Variants in RAB27B observed in about 807,000 individuals in gnomAD.
RAB27B encodes the protein ras-related protein Rab-27B.
A neutral mutation model predicts 24.6 loss-of-function variants in RAB27B; 15 were observed. The observed-to-expected ratio is 0.61, with a 90% CI of 0.41 to 0.94. The LOEUF is 0.94. Among genes scored for constraint, RAB27B ranks in the 40% least tolerant of loss-of-function variants. The pLI, the probability that RAB27B is intolerant of heterozygous loss-of-function variation, is 0.00. For synonymous variants in RAB27B, 105 were observed against 92.5 expected (o/e 1.14, Z -0.78); for missense variants, 261 against 266.8 (o/e 0.98, Z 0.15).
intron 2 of RAB27B, among the ~76,000 whole-genome samples, chr18:54,816,358 C>A (rs374342155): frequency 6.6e-6 from 1 of 152,082 alleles, no homozygotes. Flanking sequence ...AATTCAATTT[C>A]GAGATATTTC....
At chr18:54,805,233 A>T (rs551398728) in intron 2 of RAB27B, among the ~76,000 whole-genome samples, 1 of 152,132 alleles carries the variant, frequency 6.6e-6, no homozygotes, top group South Asian at 2.1e-4. Context: ...GAATCTTATC[A>T]AGTGCCAGGG....
chr18:54,811,484 C>T (rs545104852), intron 2 of RAB27B, among the ~76,000 whole-genome samples: 4 of 152,198 alleles, frequency 2.6e-5, no homozygotes, highest in East Asian at 1.9e-4. Flanking sequence ...TTTGAGTCTT[C>T]GATCAGTCTT....
At chr18:54,820,327 T>C (rs531865877) in intron 2 of RAB27B, among the ~76,000 whole-genome samples, 5 of 152,186 alleles carry the variant, frequency 3.3e-5, no homozygotes, top group Non-Finnish European at 5.9e-5. Context: ...TGGTGTGAGA[T>C]GGTATCTCAT....
chr18:54,779,959 G>C (rs73960627), intron 2 of RAB27B, among the ~76,000 whole-genome samples: 4,548 of 131,556 alleles, frequency 0.035, 131 homozygotes, highest in African/African-American at 0.065. Context: ...CTCTCCTGAC[G>C]GCTTCCTCCT....
At chr18:54,757,911 CA>C (rs545376388) in intron 2 of RAB27B, among the ~76,000 whole-genome samples, 5 of 151,980 alleles carry the variant, frequency 3.3e-5, no homozygotes, top group East Asian at 3.9e-4. Context: ...TTGACAAATA[CA>C]AAAAAATCAC....
At chr18:54,769,372 A>T (rs1354380243) in intron 2 of RAB27B, among the ~76,000 whole-genome samples, 1 of 152,078 alleles carries the variant, frequency 6.6e-6, no homozygotes, top group Non-Finnish European at 1.5e-5. Flanking sequence ...ACATAAGAAC[A>T]TCTTTTTTAA....
chr18:54,827,873 G>A (rs944248995), upstream of RAB27B, among the ~76,000 whole-genome samples: 7 of 152,108 alleles, frequency 4.6e-5, no homozygotes, highest in Admixed American at 3.9e-4. Context: ...TTTAGAACAC[G>A]GCATAGCACA....
At chr18:54,782,783 C>G (rs1250821871) in intron 2 of RAB27B, among the ~76,000 whole-genome samples, 1 of 152,142 alleles carries the variant, frequency 6.6e-6, no homozygotes, top group Non-Finnish European at 1.5e-5. Flanking sequence ...TAAACAATAG[C>G]TGAGGCTACC....
At chr18:54,806,085 C>A (rs1909783009) in intron 2 of RAB27B, among the ~76,000 whole-genome samples, 1 of 152,102 alleles carries the variant, frequency 6.6e-6, no homozygotes, top group Non-Finnish European at 1.5e-5. Context: ...TGCTTGCAAC[C>A]CATGGGATTT....
chr18:54,778,084 A>C (rs1908773244), intron 2 of RAB27B, among the ~76,000 whole-genome samples: 1 of 152,214 alleles, frequency 6.6e-6, no homozygotes, highest in Non-Finnish European at 1.5e-5. Context: ...TCTTTCAAAA[A>C]TCTTCAGCCT....
upstream of RAB27B, among the ~76,000 whole-genome samples, chr18:54,824,096 C>A (rs1014894878): frequency 3.3e-5 from 5 of 152,156 alleles, no homozygotes; most frequent in Admixed American, 6.5e-5. Context: ...GTCTTCTCTG[C>A]ACATATACAC....
chr18:54,770,895 T>C (rs12605161), intron 2 of RAB27B, among the ~76,000 whole-genome samples: 32,988 of 152,148 alleles, frequency 0.22, 3,862 homozygotes, highest in East Asian at 0.42. Flanking sequence ...AAAATCTTTT[T>C]GGGGTTCGAA....
intron 3 of RAB27B, among the ~76,000 whole-genome samples, chr18:54,882,698 A>G (rs1158098250): frequency 6.6e-6 from 1 of 152,220 alleles, no homozygotes; most frequent in Admixed American, 6.5e-5. Flanking sequence ...AGGGGAGCAG[A>G]GTGAACTTTC....
intron 2 of RAB27B, among the ~76,000 whole-genome samples, chr18:54,807,765 A>G (rs1333124160): frequency 6.6e-6 from 1 of 152,140 alleles, no homozygotes. Context: ...TGTGTAGGTA[A>G]ATTCTGAAAA....
intron 2 of RAB27B, among the ~76,000 whole-genome samples, chr18:54,737,305 G>GCTA (rs1246742690): frequency 6.6e-6 from 1 of 152,120 alleles, no homozygotes; most frequent in Non-Finnish European, 1.5e-5. Flanking sequence ...AGAGAAAGAG[G>GCTA]CTACTCCCTT....
At chr18:54,729,001 T>C (rs1229962115) in intron 2 of RAB27B, among the ~76,000 whole-genome samples, 1 of 137,900 alleles carries the variant, frequency 7.3e-6, no homozygotes, top group Non-Finnish European at 1.5e-5. Flanking sequence ...TATCTGAGTA[T>C]ACAACATGGG....
At chr18:54,736,955 C>T (rs569712101) in intron 2 of RAB27B, among the ~76,000 whole-genome samples, 61 of 152,092 alleles carry the variant, frequency 4.0e-4, no homozygotes, top group African/African-American at 1.3e-3. Flanking sequence ...CTTAGGGACT[C>T]GAAAGAACAG....
At chr18:54,778,783 G>T (rs73960624) in intron 2 of RAB27B, among the ~76,000 whole-genome samples, 6,541 of 151,424 alleles carry the variant, frequency 0.043, 204 homozygotes, top group Admixed American at 0.083. Flanking sequence ...TCTCTGCTTT[G>T]TTCAGCCTAG....
intron 2 of RAB27B, among the ~76,000 whole-genome samples, chr18:54,725,519 T>C (rs1909505138): frequency 6.6e-6 from 1 of 151,546 alleles, no homozygotes; most frequent in South Asian, 2.1e-4. Context: ...GCATTCTCAT[T>C]ATGCTATAAA....
Sources: allele counts gnomAD v4.1 joint callset (sites outside exome capture counted in the v4.1 genomes callset), GRCh38; gene constraint gnomAD v4.1.1; transcripts MANE v1.5; gene names NCBI Gene and HGNC (gene_info 2026-07-23, HGNC 2026-07-21).